The following CDK1 variants were observed in gnomAD, a reference collection of about 807,000 sequenced individuals.
CDK1 encodes the protein cyclin-dependent kinase 1.
In CDK1, 5 loss-of-function variants were observed where a neutral mutation model predicts 34.6. The observed-to-expected ratio is 0.14, with a 90% confidence interval of 0.08 to 0.30. CDK1 has a LOEUF of 0.30. Among genes scored for constraint, CDK1 ranks in the 10% least tolerant of loss-of-function variants. The probability of loss-of-function intolerance (pLI) is 1.00; values close to 1 mark genes in which losing one functional copy is unlikely to be tolerated. For synonymous variants in CDK1, 108 were observed against 114.7 expected (o/e 0.94, Z 0.37); for missense variants, 157 against 345.7 (o/e 0.45, Z 4.33).
At chr10:60,787,082 A>G in intron 4 of CDK1, 1 of 984,754 alleles carries the variant, frequency 1.0e-6, no homozygotes, top group Non-Finnish European at 1.2e-6. Flanking sequence ...ATGGCTAGCC[A>G]GTTGTTCTAA....
At position 60,784,866 on chromosome 10, in the gene CDK1, G is replaced by A; in HGVS notation, c.194+5G>A. 6.2e-7 allele frequency: 1 copy of A among 1,608,378 alleles called. No individual in the cohort carries two copies. Among genetic ancestry groups the A allele is most frequent in the Non-Finnish European group, 8.5e-7 (1 of 1,175,468 alleles). On this transcript the variant is annotated splice_donor_5th_base_variant and intron_variant, in intron 3 of 7. Transcript: ENST00000395284. Reference sequence around the variant, plus strand: ...TCGTCATCCAAATATAGTCAGGTATGTTGTAATATCTGAATGTAAGCCATT... The same window carrying A: ...TCGTCATCCAAATATAGTCAGGTATATTGTAATATCTGAATGTAAGCCATT...
intron 2 of CDK1, among the ~76,000 whole-genome samples, chr10:60,780,584 G>T (rs2132061276): frequency 6.6e-6 from 1 of 152,116 alleles, no homozygotes; most frequent in East Asian, 1.9e-4. Context: ...TTGTTTTTAG[G>T]ATGATAAATA....
chr10:60,780,895 C>T (rs2080267329), intron 2 of CDK1, among the ~76,000 whole-genome samples: 1 of 151,946 alleles, frequency 6.6e-6, no homozygotes, highest in Non-Finnish European at 1.5e-5. Flanking sequence ...TAGGTTCTGC[C>T]AGAAGAAAAT....
At position 60,794,013 on chromosome 10, in the gene CDK1, ATAGT is replaced by A. The variant is rs1211956103; in HGVS notation, c.*40_*43del. ...AAGTTTCCATATGTTATATCAACAG[ATAGT>A]TGTGTTTTTATTGTTAACTCTTGTC... is the stretch of plus-strand genomic sequence containing the variant. On this transcript the variant is annotated 3_prime_UTR_variant, in exon 8 of 8. Transcript: ENST00000395284. The A allele has an allele frequency of 2.1e-6, 2 of 950,800 alleles. No homozygotes were observed. 58.9% of individuals were successfully genotyped at this position (950,800 alleles called of 1,614,324 possible). A position where few individuals can be genotyped will look rare whatever the true frequency, so the allele number is the denominator to read the frequency against.
At chr10:60,789,904 A>G (rs1218018336) in intron 5 of CDK1, among the ~76,000 whole-genome samples, 1 of 152,072 alleles carries the variant, frequency 6.6e-6, no homozygotes, top group African/African-American at 2.4e-5. Flanking sequence ...CTGCATCCTT[A>G]TCAGCACTTA....
chr10:60,786,446 ATATAAT>A, intron 4 of CDK1: 1 of 661,446 alleles, frequency 1.5e-6, no homozygotes, highest in Non-Finnish European at 1.9e-6. Flanking sequence ...TACATTTTTG[ATATAAT>A]TAAACCACTT....
chr10:60,780,103 A>G, intron 1 of CDK1, 38 bp from the exon 2 acceptor site: 1 of 930,768 alleles, frequency 1.1e-6, no homozygotes, highest in Non-Finnish European at 1.8e-6. Flanking sequence ...TACTCGAGTT[A>G]GTGGCATGTA....
At chr10:60,778,910 C>A (rs563178155) in intron 1 of CDK1, among the ~76,000 whole-genome samples, 4 of 152,300 alleles carry the variant, frequency 2.6e-5, no homozygotes, top group Admixed American at 2.0e-4. Flanking sequence ...TCCGCTCCCC[C>A]ACGCTGAGCG....
intron 4 of CDK1, 86 bp downstream of exon 4, chr10:60,785,873 ATGCTTGG>A: frequency 7.3e-7 from 1 of 1,374,736 alleles, no homozygotes; most frequent in Admixed American, 2.6e-5. Flanking sequence ...TTGTGGGAAT[ATGCTTGG>A]AAAAAGTGTT....
chr10:60,788,149 T>C lies in CDK1; in HGVS notation c.408T>C (p.Ile136=), dbSNP rs751521420. 4.3e-6 allele frequency: 7 copies of C among 1,611,342 alleles called. No individual in the cohort carries two copies. The Admixed American group carries it at 5.0e-5, about 12-fold the overall frequency. The part of the protein sequence containing the change: ...HRDLKPQNLL[I]DDKGTIKLAD... Reference sequence around the variant, plus strand: ...ACTTAAAACCTCAAAATCTCTTGATTGATGACAAAGGAACAATTAAACTGG... The same window carrying C: ...ACTTAAAACCTCAAAATCTCTTGATCGATGACAAAGGAACAATTAAACTGG... The change falls in exon 5 of 8, where the codon ATT becomes ATC. Residue 136 remains isoleucine (I), a synonymous_variant. Coordinates refer to ENST00000395284, the MANE Select transcript of CDK1 (RefSeq NM_001786.5).
rs1330355230 is a variant in CDK1, at chr10:60,784,829, A to G, written c.162A>G (p.Leu54=). ...VPSTAIREIS[L]LKELRHPNIV... is the part of the protein sequence containing the mutation. ...GTACTGCAATTCGGGAAATTTCTCT[A>G]TTAAAGGAACTTCGTCATCCAAATA... The change falls in exon 3 of 8, where the codon CTA becomes CTG. Residue 54 remains leucine (L), a synonymous_variant. Coordinates refer to ENST00000395284, the MANE Select transcript of CDK1 (RefSeq NM_001786.5). The G allele has an allele frequency of 1.2e-6, 2 of 1,613,750 alleles. No individual in the cohort carries two copies. Among genetic ancestry groups the G allele is most frequent in the Non-Finnish European group, 8.5e-7 (1 of 1,179,686 alleles).
chr10:60,787,464 T>G (rs1448884688), intron 4 of CDK1, among the ~76,000 whole-genome samples: 1 of 152,076 alleles, frequency 6.6e-6, no homozygotes, highest in Non-Finnish European at 1.5e-5. Flanking sequence ...CTTTCCAATT[T>G]CAAACTGTAA....
chr10:60,786,322 GTATA>G, intron 4 of CDK1: 3 of 947,770 alleles, frequency 3.2e-6, no homozygotes, highest in Middle Eastern at 1.1e-3. Flanking sequence ...CACTTTGTAT[GTATA>G]TAAAGATTTT....
intron 5 of CDK1, 111 bp from the exon 6 acceptor site, chr10:60,791,779 G>C: frequency 1.9e-6 from 1 of 538,576 alleles, no homozygotes; most frequent in East Asian, 3.0e-5. Context: ...CAATATTATT[G>C]GTGGCAGTCA....
At position 60,793,952 on chromosome 10, in the gene CDK1, G is replaced by T. The variant is rs1260427336; in HGVS notation, c.871G>T (p.Asp291Tyr). ...ALNHPYFNDL[D>Y]NQIKKM ...GAATCATCCATATTTTAATGATTTG[G>T]ACAATCAGATTAAGAAGATGTAGCT... Residue 291 changes from aspartate (D) to tyrosine (Y), a missense_variant, in exon 8 of 8, where the codon GAC (aspartate) becomes TAC (tyrosine). Transcript: ENST00000395284. 2 of 1,538,346 alleles carry T rather than the reference G, an allele frequency of 1.3e-6. No individual in the cohort carries two copies. Among genetic ancestry groups the T allele is most frequent in the African/African-American group, 2.9e-5 (2 of 69,174 alleles).
rs773501650 is a variant in CDK1 at position 60,784,843 on chromosome 10, G to A, written c.176G>A (p.Arg59His). 1.5e-5 allele frequency: 24 copies of A among 1,613,296 alleles called. No individual in the cohort carries two copies. Among genetic ancestry groups the A allele is most frequent in the Admixed American group, 1.7e-5 (1 of 60,012 alleles). ...IREISLLKEL[R>H]HPNIVSLQDV... ...GAAATTTCTCTATTAAAGGAACTTC[G>A]TCATCCAAATATAGTCAGGTATGTT... Residue 59 changes from arginine (R) to histidine (H), a missense_variant, in exon 3 of 8, where the codon CGT (arginine) becomes CAT (histidine). By Grantham distance (29) the Arg-to-His change is conservative. This residue lies in a region of CDK1 where 53 missense variants were observed against 89.2 expected (regional missense o/e 0.59). Coordinates refer to ENST00000395284, the MANE Select transcript of CDK1 (RefSeq NM_001786.5).
intron 7 of CDK1, among the ~76,000 whole-genome samples, chr10:60,793,647 G>T (rs989034063): frequency 6.6e-6 from 1 of 152,032 alleles, no homozygotes; most frequent in South Asian, 2.1e-4. Context: ...ATAACAAAAA[G>T]AGGTTATTGA....
rs2080385370 is a variant in CDK1, at chr10:60,794,580, T to TA, written c.*606dup. On this transcript the variant is annotated 3_prime_UTR_variant, in exon 8 of 8. Transcript: ENST00000395284. ...GAGCATGCCAAAATTTGCTAAGTCT[T>TA]ACAAAGATCAAGGGCTGTCCGCAAC... is the stretch of plus-strand genomic sequence containing the variant. The TA allele has an allele frequency of 6.6e-6, 1 of 152,140 alleles. No homozygotes were observed. The highest frequency in any genetic ancestry group is 2.1e-4 in the South Asian group (1 of 4,836). The allele number at this position is 152,140 out of a possible 1,614,324, so 9.4% of individuals were successfully genotyped here. A position where few individuals can be genotyped will look rare whatever the true frequency, so the allele number is the denominator to read the frequency against.
In CDK1 at chr10:60,784,725, A is replaced by T; in HGVS notation, c.58A>T (p.Lys20Ter). The change falls in exon 3 of 8, where the codon AAG becomes TAG. Residue 20 changes from lysine (K) to a stop codon, truncating the protein, a stop_gained. Transcript: ENST00000395284. LOFTEE classifies it high-confidence loss of function. ...IGEGTYGVVYKGRHKTTGQVV... is the reference protein window; with the variant it reads ...IGEGTYGVVY ...TTCAGGTACCTATGGAGTTGTGTATAAGGGTAGACACAAAACTACAGGTCA... is the reference window on the plus strand; with the variant it reads ...TTCAGGTACCTATGGAGTTGTGTATTAGGGTAGACACAAAACTACAGGTCA... 6.2e-7 allele frequency: 1 copy of T among 1,612,924 alleles called. No homozygotes were observed. Among genetic ancestry groups the T allele is most frequent in the Non-Finnish European group, 8.5e-7 (1 of 1,178,934 alleles).
Sources: allele counts gnomAD v4.1 joint callset (sites outside exome capture counted in the v4.1 genomes callset), GRCh38; gene constraint gnomAD v4.1.1; regional missense constraint gnomAD v4.1.1; transcripts MANE v1.5; gene names NCBI Gene and HGNC (gene_info 2026-07-23, HGNC 2026-07-21).